Variants in ACO1 observed in about 807,000 individuals in gnomAD.
ACO1 encodes the protein aconitase 1, also known as cytoplasmic aconitate hydratase.
In ACO1, 78 loss-of-function variants were observed where a neutral mutation model predicts 105.1. The ratio of observed to expected loss-of-function variants is 0.74; its 90% CI spans 0.62 to 0.90. The LOEUF (loss-of-function observed/expected upper bound fraction) is 0.90. ACO1 is among the 40% of genes least tolerant of loss of function. The pLI is 0.00. For synonymous variants in ACO1, 364 were observed against 397.4 expected (o/e 0.92, Z 1.00); for missense variants, 965 against 1,111.1 (o/e 0.87, Z 1.87).
chr9:32,438,990 C>A (rs538119083), intron 18 of ACO1, among the ~76,000 whole-genome samples: 6 of 152,354 alleles, frequency 3.9e-5, no homozygotes, highest in African/African-American at 1.4e-4. Context: ...ATGCTATGTT[C>A]TCTTTAGAAG....
chr9:32,437,879 G>GA (rs1457950660), intron 18 of ACO1, among the ~76,000 whole-genome samples: 2 of 151,958 alleles, frequency 1.3e-5, no homozygotes, highest in Admixed American at 1.3e-4. Flanking sequence ...AAAGATAAGA[G>GA]AAAAAAATGT....
chr9:32,424,540 G>T lies in ACO1; in HGVS notation c.1072-9G>T. On this transcript the variant is annotated splice_polypyrimidine_tract_variant and intron_variant, in intron 9 of 20. Coordinates refer to ENST00000309951, the MANE Select transcript of ACO1 (RefSeq NM_002197.3). ...AAATTCTATAATTTCTTTTCTTTGG[G>T]GTCAACAGGTTGTGGAATTAGATTT... The T allele has an allele frequency of 6.3e-7, 1 of 1,582,980 alleles. No homozygotes were observed. The highest frequency in any genetic ancestry group is 8.7e-7 in the Non-Finnish European group (1 of 1,154,822).
At chr9:32,437,984 AAAC>A (rs1360555943) in intron 18 of ACO1, among the ~76,000 whole-genome samples, 1 of 152,166 alleles carries the variant, frequency 6.6e-6, no homozygotes, top group Non-Finnish European at 1.5e-5. Context: ...TTTCAAAACA[AAAC>A]AAAAAACTAC....
intron 1 of ACO1, among the ~76,000 whole-genome samples, chr9:32,397,488 C>A (rs919681163): frequency 1.8e-4 from 28 of 152,256 alleles, no homozygotes; most frequent in Non-Finnish European, 3.8e-4. Context: ...AGTTGACAAG[C>A]CTTGGTGATA....
chr9:32,429,375 G>T (rs1005858950), intron 12 of ACO1, 44 bp from the exon 13 acceptor site: 4 of 1,590,414 alleles, frequency 2.5e-6, no homozygotes, highest in Non-Finnish European at 3.5e-6. Context: ...CTCACTGAAA[G>T]TTATTCTTTT....
rs770781100 is a variant in ACO1, at chr9:32,425,970, A to G, written c.1321A>G (p.Ser441Gly). ...IAAITSCTNTSNPSVMLGAGL... is the reference protein window; with the variant it reads ...IAAITSCTNTGNPSVMLGAGL... ...TGCCATTACTAGCTGCACAAACACC[A>G]GTAATCCGTCTGTGATGTTAGGGGC... The change falls in exon 11 of 21, where the codon AGT becomes GGT. Residue 441 changes from serine to glycine, a missense_variant. By Grantham distance (56) the Ser-to-Gly change is moderately conservative. Coordinates refer to ENST00000309951, the MANE Select transcript of ACO1 (RefSeq NM_002197.3). The G allele has an allele frequency of 1.2e-6, 2 of 1,614,062 alleles. No homozygotes were observed. Among genetic ancestry groups the G allele is most frequent in the Non-Finnish European group, 8.5e-7 (1 of 1,179,940 alleles).
chr9:32,426,049 T>C, intron 11 of ACO1, 52 bp downstream of exon 11: 1 of 1,584,442 alleles, frequency 6.3e-7, no homozygotes, highest in Non-Finnish European at 8.6e-7. Context: ...TAGGTGGAAA[T>C]AGCCCGAGAC....
At chr9:32,432,157 G>C (rs575065514) in intron 15 of ACO1, among the ~76,000 whole-genome samples, 1 of 152,032 alleles carries the variant, frequency 6.6e-6, no homozygotes, top group East Asian at 1.9e-4. Context: ...CAGCTGTGGC[G>C]AGGACCCCTG....
At position 32,426,690 on chromosome 9, in the gene ACO1, C is replaced by G. The variant is rs142893867; in HGVS notation, c.1349-611C>G. Among the ~76,000 whole-genome samples the G allele has an allele frequency of 3.9e-4, 60 of 152,224 alleles. No homozygotes were observed. The East Asian group carries it at 0.011, about 29-fold the overall frequency. ...AACCAGTCTTCTGTAGACAAGTTAC[C>G]AGCTTGTCTGTGGCTTTTTGTCCCC... On this transcript the variant is annotated intron_variant, in intron 11 of 20. Transcript: ENST00000309951.
intron 19 of ACO1, among the ~76,000 whole-genome samples, chr9:32,443,496 C>T (rs925279807): frequency 3.9e-5 from 6 of 152,036 alleles, no homozygotes; most frequent in African/African-American, 1.5e-4. Context: ...ATCTCATTAT[C>T]GATATTCTAG....
chr9:32,386,842 G>A (rs1395542619), intron 1 of ACO1, among the ~76,000 whole-genome samples: 2 of 152,182 alleles, frequency 1.3e-5, no homozygotes, highest in Non-Finnish European at 2.9e-5. Flanking sequence ...GTTATGTGCG[G>A]GATGCCAGGA....
chr9:32,442,924 C>T (rs1258439823), intron 19 of ACO1, among the ~76,000 whole-genome samples: 1 of 152,108 alleles, frequency 6.6e-6, no homozygotes, highest in Non-Finnish European at 1.5e-5. Flanking sequence ...TACATAGTGC[C>T]TCTACATTAT....
rs781203555 is a variant in ACO1 at position 32,449,040 on chromosome 9, A to C, written c.2515A>C (p.Ile839Leu). 2.2e-5 allele frequency: 35 copies of C among 1,611,512 alleles called. No homozygotes were observed. The East Asian group carries it at 5.1e-4, about 24-fold the overall frequency. ...AGGGCAAGAACGATACACTATCATTATTCCAGAAAACCTCAAACCACAAAT... is the reference window on the plus strand; with the variant it reads ...AGGGCAAGAACGATACACTATCATTCTTCCAGAAAACCTCAAACCACAAAT... ...LTGQERYTIIIPENLKPQMKV... is the reference protein window; with the variant it reads ...LTGQERYTIILPENLKPQMKV... Residue 839 changes from isoleucine (I) to leucine (L), a missense_variant, in exon 20 of 21, where the codon ATT becomes CTT. By Grantham distance (5) the Ile-to-Leu change is conservative. Coordinates refer to ENST00000309951, the MANE Select transcript of ACO1 (RefSeq NM_002197.3).
At chr9:32,395,699 T>C (rs1821358904) in intron 1 of ACO1, among the ~76,000 whole-genome samples, 1 of 152,182 alleles carries the variant, frequency 6.6e-6, no homozygotes, top group Admixed American at 6.5e-5. Context: ...ACTTCTTCCT[T>C]TACTTTCTTG....
In ACO1 at chr9:32,430,553, G is replaced by T; in HGVS notation, c.1705G>T (p.Asp569Tyr). The T allele has an allele frequency of 6.2e-7, 1 of 1,604,948 alleles. No individual in the cohort carries two copies. Among genetic ancestry groups the T allele is most frequent in the Non-Finnish European group, 8.5e-7 (1 of 1,176,258 alleles). The change falls in exon 14 of 21, where the codon GAC becomes TAC. Residue 569 changes from aspartate (D) to tyrosine (Y), a missense_variant. Physicochemically the swap from Asp to Tyr is radical, Grantham distance 160. Transcript: ENST00000309951. Reference sequence around the variant, plus strand: ...TGCAATTGCTGGAACCATCAGAATCGACTTTGAGAAAGAGCCATTGGGTAA... The same window carrying T: ...TGCAATTGCTGGAACCATCAGAATCTACTTTGAGAAAGAGCCATTGGGTAA... ...AYAIAGTIRI[D>Y]FEKEPLGVNA...
intron 1 of ACO1, among the ~76,000 whole-genome samples, chr9:32,401,802 T>A (rs1821500914): frequency 6.6e-6 from 1 of 152,236 alleles, no homozygotes; most frequent in African/African-American, 2.4e-5. Context: ...TTGTTATTTT[T>A]TAGTGACCTA....
Position 32,451,069 on chromosome 9 carries a change from T to C in ACO1, c.*958T>C, listed in dbSNP as rs1006698091. 8.7e-5 allele frequency: 13 copies of C among 148,920 alleles called. No homozygotes were observed. The highest frequency in any genetic ancestry group is 3.3e-4 in the African/African-American group (13 of 39,860). 9.2% of individuals were successfully genotyped at this position (148,920 alleles called of 1,614,324 possible). A position where few individuals can be genotyped will look rare whatever the true frequency, so the allele number is the denominator to read the frequency against. On this transcript the variant is annotated 3_prime_UTR_variant, in exon 21 of 21. Coordinates refer to ENST00000309951, the MANE Select transcript of ACO1 (RefSeq NM_002197.3). ...AGTAGCCTGGTGGCAGTGGCAACGA[T>C]ATAAGTACATAAGGAAAAGCAGATA...
chr9:32,405,269 C>T (rs759995241), intron 1 of ACO1, among the ~76,000 whole-genome samples: 10 of 152,222 alleles, frequency 6.6e-5, no homozygotes, highest in Non-Finnish European at 1.5e-4. Flanking sequence ...CTCCCCAAAA[C>T]TACCTCGTAC....
In ACO1 at chr9:32,436,230, T is replaced by G; in HGVS notation, c.2100-20T>G. ...TTGCTTGCTTCACTAAGCCAGCTCC[T>G]TTCTTGCTTGCCTTCTTAGCCTAAC... is the stretch of plus-strand genomic sequence containing the variant. On this transcript the variant is annotated intron_variant, in intron 17 of 20. Coordinates refer to ENST00000309951, the MANE Select transcript of ACO1 (RefSeq NM_002197.3). The G allele has an allele frequency of 6.2e-7, 1 of 1,613,644 alleles. No homozygotes were observed. The highest frequency in any genetic ancestry group is 8.5e-7 in the Non-Finnish European group (1 of 1,179,522).
Sources: gnomAD v4.1 joint callset for allele counts (sites outside exome capture counted in the v4.1 genomes callset) on GRCh38, gnomAD v4.1.1 for gene constraint, MANE v1.5 for transcripts, NCBI Gene and HGNC (gene_info 2026-07-23, HGNC 2026-07-21) for gene names.